The following ROBO1 variants were observed in gnomAD, a reference collection of about 807,000 sequenced individuals.
The protein encoded by ROBO1 is roundabout homolog 1.
A neutral mutation model predicts 195.9 loss-of-function variants in ROBO1; 149 were observed. The ratio of observed to expected loss-of-function variants is 0.76; its 90% CI spans 0.67 to 0.87. The LOEUF (loss-of-function observed/expected upper bound fraction) is 0.87. Ranked by LOEUF, ROBO1 falls within the 40% of genes least tolerant of loss-of-function variation. ROBO1 has a pLI of 0.00. For synonymous variants in ROBO1, 816 were observed against 733.2 expected (o/e 1.11, Z -1.82); for missense variants, 1,933 against 2,068.3 (o/e 0.93, Z 1.27).
chr3:78,633,822 C>T (rs1422231155), intron 24 of ROBO1, 113 bp downstream of exon 24: 1 of 552,366 alleles, frequency 1.8e-6, no homozygotes, highest in East Asian at 3.0e-5. Context: ...ACTCAAATTA[C>T]ATACAGTGAT....
At chr3:79,745,454 T>A (rs1173718953) in intron 1 of ROBO1, among the ~76,000 whole-genome samples, 1 of 152,194 alleles carries the variant, frequency 6.6e-6, no homozygotes, top group Non-Finnish European at 1.5e-5. Flanking sequence ...CTGGGAAATG[T>A]ATCAGAGTAG....
chr3:79,765,527 T>C (rs1452429751), intron 1 of ROBO1, among the ~76,000 whole-genome samples: 1 of 152,142 alleles, frequency 6.6e-6, no homozygotes, highest in African/African-American at 2.4e-5. Flanking sequence ...CAAGATATAG[T>C]AGAGAAGCAG....
Position 79,380,101 on chromosome 3 carries a change from T to C in ROBO1, c.88+209723A>G, listed in dbSNP as rs573285437. Among the ~76,000 whole-genome samples the C allele has an allele frequency of 5.3e-5, 8 of 152,292 alleles. No homozygotes were observed. In the South Asian group the frequency reaches 1.7e-3, roughly 32 times the overall value. On this transcript the variant is annotated intron_variant, in intron 2 of 30. Transcript: ENST00000464233. ...CCTTCCAATTTTCTCCATTTCTCAA[T>C]CTCATTCTATTACTCCATGCATCAT...
intron 3 of ROBO1, among the ~76,000 whole-genome samples, chr3:79,027,627 AC>A (rs1035550286): frequency 2.1e-4 from 32 of 152,152 alleles, no homozygotes; most frequent in Non-Finnish European, 1.5e-4. Flanking sequence ...TACTGTCTTA[AC>A]AACAAAGATA....
intron 4 of ROBO1, among the ~76,000 whole-genome samples, chr3:78,787,686 A>T (rs1222179667): frequency 6.6e-6 from 1 of 152,138 alleles, no homozygotes; most frequent in East Asian, 1.9e-4. Context: ...GCTAATGCCT[A>T]TAATCCAGCA....
chr3:78,860,123 A>ATAGG (rs1458297744), intron 4 of ROBO1, among the ~76,000 whole-genome samples: 2 of 142,056 alleles, frequency 1.4e-5, no homozygotes, highest in Non-Finnish European at 3.0e-5. Flanking sequence ...AGAAGGGAAC[A>ATAGG]TAGGTAGGTA....
At chr3:79,490,282 T>C (rs1939384048) in intron 2 of ROBO1, among the ~76,000 whole-genome samples, 1 of 152,216 alleles carries the variant, frequency 6.6e-6, no homozygotes, top group Non-Finnish European at 1.5e-5. Flanking sequence ...TGGGCTTCAG[T>C]CAAACCTTAG....
chr3:79,492,112 G>T (rs1939490590), intron 2 of ROBO1, among the ~76,000 whole-genome samples: 1 of 152,056 alleles, frequency 6.6e-6, no homozygotes, highest in Non-Finnish European at 1.5e-5. Context: ...ATTGAATTAG[G>T]ACGTAGTTTT....
At chr3:78,658,489 C>T (rs759356479) in intron 17 of ROBO1, among the ~76,000 whole-genome samples, 7 of 152,190 alleles carry the variant, frequency 4.6e-5, no homozygotes, top group Admixed American at 6.5e-5. Context: ...CGGGCTTTCA[C>T]TGTGTTGGCC....
At chr3:78,865,693 G>T (rs1413205381) in intron 4 of ROBO1, among the ~76,000 whole-genome samples, 1 of 151,996 alleles carries the variant, frequency 6.6e-6, no homozygotes, top group South Asian at 2.1e-4. Flanking sequence ...GGATGGTCTT[G>T]ATCTCCTGAC....
At chr3:78,961,271 A>G (rs1358478182) in intron 3 of ROBO1, among the ~76,000 whole-genome samples, 1 of 152,182 alleles carries the variant, frequency 6.6e-6, no homozygotes, top group East Asian at 1.9e-4. Context: ...AAAGACAGGG[A>G]GAGATGAATC....
intron 2 of ROBO1, among the ~76,000 whole-genome samples, chr3:79,283,853 A>G (rs1399357423): frequency 6.6e-6 from 1 of 151,352 alleles, no homozygotes; most frequent in Non-Finnish European, 1.5e-5. Flanking sequence ...GCCCGCTACC[A>G]CGCCCGGCTA....
intron 2 of ROBO1, among the ~76,000 whole-genome samples, chr3:79,468,820 C>A (rs1431882273): frequency 1.3e-5 from 2 of 152,012 alleles, no homozygotes; most frequent in Non-Finnish European, 2.9e-5. Flanking sequence ...TCTTAAACTT[C>A]TCGGAGTTTT....
chr3:79,007,345 G>A (rs1451645831), intron 3 of ROBO1, among the ~76,000 whole-genome samples: 2 of 152,086 alleles, frequency 1.3e-5, no homozygotes, highest in Non-Finnish European at 1.5e-5. Context: ...AATAATTCCC[G>A]ACACAGAAAG....
chr3:78,934,993 T>G (rs1321734268), intron 4 of ROBO1, among the ~76,000 whole-genome samples: 1 of 152,042 alleles, frequency 6.6e-6, no homozygotes, highest in African/African-American at 2.4e-5. Flanking sequence ...TGTTCTCATT[T>G]TACCCACATG....
intron 3 of ROBO1, among the ~76,000 whole-genome samples, chr3:79,098,744 G>T (rs1268411456): frequency 6.6e-6 from 1 of 151,772 alleles, no homozygotes; most frequent in Non-Finnish European, 1.5e-5. Flanking sequence ...TTTCTCTTTA[G>T]AAGGCCATAG....
rs111991356 is a variant in ROBO1 at position 79,684,653 on chromosome 3, TATG to T, written c.-51+83096_-51+83098del. ...AATTTTTTGTTGCATACTCCTGAATTATGATGATGATGATGATGATGATGATGG... is the reference window on the plus strand; with the variant it reads ...AATTTTTTGTTGCATACTCCTGAATTATGATGATGATGATGATGATGATGG... On this transcript the variant is annotated intron_variant, in intron 1 of 30. Transcript: ENST00000464233. 1.1e-3 allele frequency among the ~76,000 whole-genome samples: 161 copies of T among 150,946 alleles called. 1 individual carries two copies. The highest frequency in any genetic ancestry group is 3.2e-3 in the African/African-American group (133 of 41,266).
chr3:78,627,084 G>A (rs933788149), intron 26 of ROBO1, among the ~76,000 whole-genome samples: 3 of 152,176 alleles, frequency 2.0e-5, no homozygotes, highest in African/African-American at 7.2e-5. Flanking sequence ...ATAGTTGTAA[G>A]TGGGTGAGTA....
intron 3 of ROBO1, chr3:79,019,160 T>C: frequency 1.0e-6 from 1 of 986,674 alleles, no homozygotes; most frequent in Non-Finnish European, 1.2e-6. Flanking sequence ...CTCGCACGTC[T>C]TCTGGGCGCC....
Sources: allele counts gnomAD v4.1 joint callset (sites outside exome capture counted in the v4.1 genomes callset), GRCh38; gene constraint gnomAD v4.1.1; transcripts MANE v1.5; gene names NCBI Gene and HGNC (gene_info 2026-07-23, HGNC 2026-07-21).